GNAI1: variants seen among roughly 807,000 people sequenced by gnomAD.
GNAI1 encodes guanine nucleotide-binding protein G(i) subunit alpha-1.
In GNAI1, 11 loss-of-function variants were observed where a neutral mutation model predicts 38.9. The observed-to-expected ratio is 0.28, with a 90% CI of 0.18 to 0.47. GNAI1 has a LOEUF of 0.47. Ranked by LOEUF, GNAI1 falls within the 20% of genes least tolerant of loss-of-function variation. The pLI, the probability that GNAI1 is intolerant of heterozygous loss-of-function variation, is 0.99. For synonymous variants in GNAI1, 166 were observed against 145.1 expected (o/e 1.14, Z -1.04); for missense variants, 317 against 436.9 (o/e 0.73, Z 2.45).
chr7:80,209,271 T>C (rs1788832170), intron 5 of GNAI1, among the ~76,000 whole-genome samples: 1 of 152,218 alleles, frequency 6.6e-6, no homozygotes, highest in African/African-American at 2.4e-5. Flanking sequence ...CAGTAGGTTA[T>C]GTTTATTTCA....
At chr7:80,188,301 G>C (rs1788423085) in intron 1 of GNAI1, among the ~76,000 whole-genome samples, 2 of 152,192 alleles carry the variant, frequency 1.3e-5, no homozygotes, top group African/African-American at 4.8e-5. Flanking sequence ...TGGTCAGGCA[G>C]TTAAAACATC....
intron 1 of GNAI1, among the ~76,000 whole-genome samples, chr7:80,179,149 G>A (rs747492251): frequency 1.3e-5 from 2 of 152,156 alleles, no homozygotes; most frequent in Non-Finnish European, 2.9e-5. Context: ...TTAAAATAGT[G>A]TATTCCTTTT....
chr7:80,221,899 C>G lies in GNAI1; in HGVS notation c.*4406C>G, dbSNP rs1789084541. 6.6e-6 allele frequency among the ~76,000 whole-genome samples: 1 copy of G among 152,098 alleles called. No homozygotes were observed. The highest frequency in any genetic ancestry group is 1.5e-5 in the Non-Finnish European group (1 of 68,018). Reference sequence around the variant, plus strand: ...TTGTGATCTGACCGCCTCGGCCTCCCAAAGTGCTGGGATTACAGACGTGAG... The same window carrying G: ...TTGTGATCTGACCGCCTCGGCCTCCGAAAGTGCTGGGATTACAGACGTGAG... On this transcript the variant is annotated 3_prime_UTR_variant, in exon 8 of 8. Coordinates refer to ENST00000649796, the MANE Select transcript of GNAI1 (RefSeq NM_002069.6).
chr7:80,143,540 T>C (rs1438907294), intron 1 of GNAI1, among the ~76,000 whole-genome samples: 1 of 152,174 alleles, frequency 6.6e-6, no homozygotes, highest in Non-Finnish European at 1.5e-5. Context: ...TAAGGAATTT[T>C]TTTCCCCTCC....
chr7:80,197,162 C>T (rs558692685), intron 3 of GNAI1, among the ~76,000 whole-genome samples: 1 of 142,864 alleles, frequency 7.0e-6, no homozygotes, highest in Non-Finnish European at 1.5e-5. Context: ...TGACCTTGAC[C>T]TATTTTTGTT....
At position 80,217,567 on chromosome 7, in the gene GNAI1, C is replaced by T. The variant is rs937241795; in HGVS notation, c.*74C>T. On this transcript the variant is annotated 3_prime_UTR_variant, in exon 8 of 8. Coordinates refer to ENST00000649796, the MANE Select transcript of GNAI1 (RefSeq NM_002069.6). Reference sequence around the variant, plus strand: ...TATATGGATCTCTGTAGACTAGAGTCTTGCAGCAACACAGAATGTAATATA... The same window carrying T: ...TATATGGATCTCTGTAGACTAGAGTTTTGCAGCAACACAGAATGTAATATA... The T allele has an allele frequency of 4.3e-5, 33 of 760,030 alleles. No individual in the cohort carries two copies. Among genetic ancestry groups the T allele is most frequent in the Non-Finnish European group, 5.8e-5 (28 of 485,040 alleles). The allele number at this position is 760,030 out of a possible 1,614,324, so 47.1% of individuals were successfully genotyped here.
At chr7:80,142,314 T>A (rs1787541091) in intron 1 of GNAI1, among the ~76,000 whole-genome samples, 1 of 152,214 alleles carries the variant, frequency 6.6e-6, no homozygotes, top group African/African-American at 2.4e-5. Context: ...TATGTGACTA[T>A]CATGGTAACA....
At chr7:80,149,550 A>G (rs748628679) in intron 1 of GNAI1, among the ~76,000 whole-genome samples, 2 of 152,022 alleles carry the variant, frequency 1.3e-5, no homozygotes, top group African/African-American at 4.8e-5. Flanking sequence ...ATGGCTTCCC[A>G]TTGTTACTTT....
At chr7:80,206,231 CA>C (rs2115691718) in intron 5 of GNAI1, among the ~76,000 whole-genome samples, 1 of 152,108 alleles carries the variant, frequency 6.6e-6, no homozygotes, top group African/African-American at 2.4e-5. Flanking sequence ...CTCCAAAAAA[CA>C]AACATTGACC....
At chr7:80,159,209 G>T (rs1166427195) in intron 1 of GNAI1, among the ~76,000 whole-genome samples, 2 of 152,098 alleles carry the variant, frequency 1.3e-5, no homozygotes, top group Non-Finnish European at 1.5e-5. Flanking sequence ...CAATTTTTTG[G>T]GGGGGCTTAC....
intron 7 of GNAI1, 59 bp from the exon 8 acceptor site, chr7:80,217,244 T>TTTCATATGTATGAACCTGAATTCAG: frequency 9.1e-7 from 1 of 1,093,800 alleles, no homozygotes; most frequent in Non-Finnish European, 1.3e-6. Context: ...CTGAATTCAG[T>TTTCATATGTATGAACCTGAATTCAG]ATTTTAAGCA....
At chr7:80,143,048 C>G (rs1314981256) in intron 1 of GNAI1, among the ~76,000 whole-genome samples, 1 of 152,172 alleles carries the variant, frequency 6.6e-6, no homozygotes, top group Non-Finnish European at 1.5e-5. Context: ...TAAACCTCAG[C>G]TTTCAGGAGC....
intron 1 of GNAI1, among the ~76,000 whole-genome samples, chr7:80,149,926 T>G (rs1250008987): frequency 6.6e-6 from 1 of 152,138 alleles, no homozygotes; most frequent in East Asian, 1.9e-4. Flanking sequence ...CAAGATTGAT[T>G]AATTCACGTT....
intron 1 of GNAI1, among the ~76,000 whole-genome samples, chr7:80,171,352 A>G (rs1019692094): frequency 5.9e-5 from 9 of 152,136 alleles, no homozygotes; most frequent in African/African-American, 1.7e-4. Flanking sequence ...GAAATAGTGC[A>G]GGGATTTAGT....
chr7:80,207,298 G>A (rs978414532), intron 5 of GNAI1, among the ~76,000 whole-genome samples: 3 of 152,052 alleles, frequency 2.0e-5, no homozygotes, highest in Admixed American at 6.6e-5. Flanking sequence ...TTGGTTAGGT[G>A]CACTCTTAAA....
In GNAI1 at chr7:80,220,703, T is replaced by A. The variant is rs763925494; in HGVS notation, c.*3210T>A. Among the ~76,000 whole-genome samples, 1 of 152,204 alleles carries A rather than the reference T, an allele frequency of 6.6e-6. No homozygotes were observed. Among genetic ancestry groups the A allele is most frequent in the Non-Finnish European group, 1.5e-5 (1 of 68,034 alleles). ...ACTGATTAAAATCCATATGTTCTCA[T>A]TGAATACTGACAGTAACTAGAGATC... On this transcript the variant is annotated 3_prime_UTR_variant, in exon 8 of 8. Coordinates refer to ENST00000649796, the MANE Select transcript of GNAI1 (RefSeq NM_002069.6).
chr7:80,168,590 G>C (rs1344829597), intron 1 of GNAI1, among the ~76,000 whole-genome samples: 1 of 152,060 alleles, frequency 6.6e-6, no homozygotes, highest in African/African-American at 2.4e-5. Context: ...GTTTCACCGT[G>C]TTAGCCAGGA....
intron 3 of GNAI1, 98 bp from the exon 4 acceptor site, chr7:80,199,127 C>A: frequency 1.2e-6 from 1 of 837,544 alleles, no homozygotes. Flanking sequence ...AGGAAGTTCG[C>A]TATTGCCTTT....
chr7:80,135,914 G>A (rs900663786), intron 1 of GNAI1: 2 of 985,322 alleles, frequency 2.0e-6, no homozygotes, highest in Non-Finnish European at 2.4e-6. Flanking sequence ...TGCTGTGGGG[G>A]CATGGAAGCC....
Sources: allele counts gnomAD v4.1 joint callset (sites outside exome capture counted in the v4.1 genomes callset), GRCh38; gene constraint gnomAD v4.1.1; transcripts MANE v1.5; gene names NCBI Gene and HGNC (gene_info 2026-07-23, HGNC 2026-07-21).